The following NBEA variants were observed in gnomAD, a reference collection of about 807,000 sequenced individuals.
The protein encoded by NBEA is neurobeachin, also known as lysosomal-trafficking regulator 2.
Under a neutral mutation model 343.4 loss-of-function variants are expected in NBEA, and 44 were observed. That is an observed-to-expected ratio of 0.13 (90% CI 0.10 to 0.16). The LOEUF (loss-of-function observed/expected upper bound fraction) is 0.16, where lower values mean the gene tolerates loss of function less well. Among genes scored for constraint, NBEA ranks in the 10% least tolerant of loss-of-function variants. The pLI, the probability that NBEA is intolerant of heterozygous loss-of-function variation, is 1.00. For synonymous variants in NBEA, 1,175 were observed against 1,238.7 expected, an observed-to-expected ratio of 0.95 and a Z score of 1.08; for missense variants, 2,555 against 3,631.3, an observed-to-expected ratio of 0.70 and a Z score of 7.62.
chr13:35,413,599 C>T (rs1357531198), intron 38 of NBEA, among the ~76,000 whole-genome samples: 1 of 152,090 alleles, frequency 6.6e-6, no homozygotes, highest in African/African-American at 2.4e-5. Context: ...ATTGAGGAAA[C>T]TATGAGTACC....
In NBEA at chr13:35,124,747, CACAT is replaced by C. The variant is rs527903899; in HGVS notation, c.2336+1175_2336+1178del. On this transcript the variant is annotated intron_variant, in intron 17 of 58. Coordinates refer to ENST00000379939, the MANE Select transcript of NBEA (RefSeq NM_001385012.1). ...ATACACATATGTATGGATATATACACACATATGTATGGATATATATACACACATA... is the reference window on the plus strand; with the variant it reads ...ATACACATATGTATGGATATATACACATGTATGGATATATATACACACATA... Among the ~76,000 whole-genome samples the C allele has an allele frequency of 2.5e-3, 384 of 151,112 alleles. 1 individual carries two copies. The highest frequency in any genetic ancestry group is 8.9e-3 in the African/African-American group (365 of 41,204).
rs560716381 is a variant in NBEA, at chr13:35,267,939, C to A, written c.5777-22450C>A. 2.6e-5 allele frequency among the ~76,000 whole-genome samples: 4 copies of A among 151,848 alleles called. No individual in the cohort carries two copies. The South Asian group carries it at 8.3e-4, about 32-fold the overall frequency. Reference sequence around the variant, plus strand: ...TTAAATGGTACAGCTGATGTGCAAACCAGTGTGGTCGTTCCTAAAAAATTA... The same window carrying A: ...TTAAATGGTACAGCTGATGTGCAAAACAGTGTGGTCGTTCCTAAAAAATTA... On this transcript the variant is annotated intron_variant, in intron 34 of 58. Coordinates refer to ENST00000379939, the MANE Select transcript of NBEA (RefSeq NM_001385012.1).
intron 38 of NBEA, among the ~76,000 whole-genome samples, chr13:35,396,818 G>A (rs1019842002): frequency 4.6e-5 from 7 of 152,104 alleles, no homozygotes; most frequent in South Asian, 4.1e-4. Flanking sequence ...AGTAGAACTC[G>A]AACTAGGAGT....
At chr13:35,577,133 C>A (rs1016174105) in intron 45 of NBEA, among the ~76,000 whole-genome samples, 1 of 152,228 alleles carries the variant, frequency 6.6e-6, no homozygotes, top group South Asian at 2.1e-4. Flanking sequence ...GTCTTTGTAA[C>A]CCCGCTAGAA....
rs115067356 is a variant in NBEA at position 35,242,296 on chromosome 13, G to A, written c.5776+9677G>A. ...AAAAATTCATTATTAGGGTTCAAGA[G>A]TAGACTCAATTAGACAGAAGAAAGA... On this transcript the variant is annotated intron_variant, in intron 34 of 58. Transcript: ENST00000379939. Among the ~76,000 whole-genome samples the A allele has an allele frequency of 2.1e-3, 319 of 151,902 alleles. 1 individual carries two copies. The highest frequency in any genetic ancestry group is 7.1e-3 in the African/African-American group (295 of 41,514).
At chr13:35,632,093 CT>C (rs1406523968) in intron 49 of NBEA, among the ~76,000 whole-genome samples, 3 of 152,124 alleles carry the variant, frequency 2.0e-5, no homozygotes, top group South Asian at 4.2e-4. Context: ...CTTCTATGCA[CT>C]TTTTTTCATA....
intron 49 of NBEA, among the ~76,000 whole-genome samples, chr13:35,639,231 G>A (rs2083829542): frequency 6.6e-6 from 1 of 152,104 alleles, no homozygotes; most frequent in South Asian, 2.1e-4. Context: ...ATATAAAATA[G>A]CATTTTAATT....
At chr13:35,178,430 G>C (rs1566415658) in intron 28 of NBEA, among the ~76,000 whole-genome samples, 1 of 151,570 alleles carries the variant, frequency 6.6e-6, no homozygotes, top group Non-Finnish European at 1.5e-5. Context: ...GACCTATTCA[G>C]CCTTTAAGCA....
At chr13:35,396,431 A>C (rs1033184451) in intron 38 of NBEA, among the ~76,000 whole-genome samples, 1 of 151,794 alleles carries the variant, frequency 6.6e-6, no homozygotes, top group African/African-American at 2.4e-5. Flanking sequence ...CATTTTTCCT[A>C]TGTATTTTTG....
At chr13:35,275,264 C>T (rs1382987765) in intron 34 of NBEA, among the ~76,000 whole-genome samples, 1 of 152,122 alleles carries the variant, frequency 6.6e-6, no homozygotes, top group Non-Finnish European at 1.5e-5. Flanking sequence ...GGAAAGGATT[C>T]CCTATTTAAT....
At chr13:35,087,866 AT>A (rs1487490851) in intron 10 of NBEA, among the ~76,000 whole-genome samples, 1 of 151,934 alleles carries the variant, frequency 6.6e-6, no homozygotes, top group African/African-American at 2.4e-5. Context: ...TACATTAGAG[AT>A]AAGATGAAGA....
chr13:35,226,025 A>G (rs1311755858), intron 33 of NBEA, among the ~76,000 whole-genome samples: 4 of 152,200 alleles, frequency 2.6e-5, no homozygotes, highest in African/African-American at 7.2e-5. Context: ...ATACTACACT[A>G]CAAAATGCTC....
rs147056193 is a variant in NBEA, at chr13:35,319,167, T to C, written c.5903+9575T>C. 6.1e-3 allele frequency among the ~76,000 whole-genome samples: 935 copies of C among 152,118 alleles called. 12 individuals are homozygous for C. The highest frequency in any genetic ancestry group is 0.021 in the African/African-American group (887 of 41,530). On this transcript the variant is annotated intron_variant, in intron 36 of 58. Coordinates refer to ENST00000379939, the MANE Select transcript of NBEA (RefSeq NM_001385012.1). ...AGCTTTTGAATTTGCTTTTGCTTCT[T>C]TAGTTCTTTCAATTGTGATGTTAGG...
chr13:35,239,826 G>T (rs1474536016), intron 34 of NBEA, among the ~76,000 whole-genome samples: 1 of 151,060 alleles, frequency 6.6e-6, no homozygotes, highest in Non-Finnish European at 1.5e-5. Flanking sequence ...AAGAAACTGG[G>T]ACTTTATCAT....
At chr13:35,170,171 C>G (rs1204667908) in intron 25 of NBEA, among the ~76,000 whole-genome samples, 1 of 151,566 alleles carries the variant, frequency 6.6e-6, no homozygotes, top group Non-Finnish European at 1.5e-5. Flanking sequence ...GTTTTCTGCT[C>G]ACGTTTCCAT....
chr13:35,570,035 T>TTTGC (rs1236615183), intron 45 of NBEA, among the ~76,000 whole-genome samples: 3 of 151,360 alleles, frequency 2.0e-5, no homozygotes, highest in South Asian at 2.1e-4. Flanking sequence ...TGTTTGTTTG[T>TTTGC]TTGCTTGCTT....
chr13:35,343,717 A>C (rs2039719641), intron 36 of NBEA, among the ~76,000 whole-genome samples: 2 of 152,076 alleles, frequency 1.3e-5, no homozygotes, highest in South Asian at 2.1e-4. Context: ...CTGTGCATGC[A>C]AGGGATATAG....
chr13:35,051,344 G>A (rs2063058958), intron 6 of NBEA, among the ~76,000 whole-genome samples: 1 of 151,832 alleles, frequency 6.6e-6, no homozygotes, highest in Non-Finnish European at 1.5e-5. Flanking sequence ...CCCAAATGTG[G>A]TGAGGGGGAG....
At chr13:35,200,480 G>T (rs765746463) in intron 31 of NBEA, among the ~76,000 whole-genome samples, 1 of 150,792 alleles carries the variant, frequency 6.6e-6, no homozygotes, top group Non-Finnish European at 1.5e-5. Flanking sequence ...AAAATAGAGG[G>T]CAATGTGCTT....
Sources: gnomAD v4.1 joint callset for allele counts (sites outside exome capture counted in the v4.1 genomes callset) on GRCh38, gnomAD v4.1.1 for gene constraint, MANE v1.5 for transcripts, NCBI Gene and HGNC (gene_info 2026-07-23, HGNC 2026-07-21) for gene names.